The following TAFA1 variants were observed in gnomAD, a reference collection of about 807,000 sequenced individuals.
The protein encoded by TAFA1 is chemokine-like protein TAFA-1.
Under a neutral mutation model 18.5 loss-of-function variants are expected in TAFA1, and 4 were observed. The ratio of observed to expected loss-of-function variants is 0.22; its 90% confidence interval spans 0.11 to 0.49. The LOEUF (loss-of-function observed/expected upper bound fraction) is 0.49, where lower values mean the gene tolerates loss of function less well. Ranked by LOEUF, TAFA1 falls within the 20% of genes least tolerant of loss-of-function variation. TAFA1 has a pLI of 0.98. For synonymous variants in TAFA1, 56 were observed against 55.2 expected (o/e 1.01, Z -0.06); for missense variants, 147 against 169.0 (o/e 0.87, Z 0.72).
intron 3 of TAFA1, among the ~76,000 whole-genome samples, chr3:68,532,407 T>C (rs933195209): frequency 6.6e-6 from 1 of 152,136 alleles, no homozygotes; most frequent in African/African-American, 2.4e-5. Context: ...ACTTTAAAAG[T>C]GTCAGACATT....
chr3:68,226,336 A>G (rs1368078562), intron 2 of TAFA1, among the ~76,000 whole-genome samples: 5 of 152,228 alleles, frequency 3.3e-5, no homozygotes, highest in Non-Finnish European at 5.9e-5. Flanking sequence ...TATCACAATC[A>G]TAGGTTTTCC....
At chr3:68,378,339 A>G (rs1268035344) in intron 2 of TAFA1, among the ~76,000 whole-genome samples, 2 of 152,184 alleles carry the variant, frequency 1.3e-5, no homozygotes, top group East Asian at 3.9e-4. Flanking sequence ...AGATTTAATG[A>G]CTGCCCTGCT....
At chr3:68,423,698 G>T (rs993682991) in intron 3 of TAFA1, among the ~76,000 whole-genome samples, 3 of 151,704 alleles carry the variant, frequency 2.0e-5, no homozygotes, top group African/African-American at 7.3e-5. Flanking sequence ...GGCATAGTGG[G>T]AGTGGTAAAA....
intron 2 of TAFA1, among the ~76,000 whole-genome samples, chr3:68,065,308 G>A (rs79111802): frequency 0.011 from 1,682 of 152,254 alleles, 37 homozygotes; most frequent in African/African-American, 0.038. Context: ...GATGACTGCA[G>A]AATACATTTT....
At chr3:68,045,158 C>G (rs547634727) in intron 2 of TAFA1, among the ~76,000 whole-genome samples, 16 of 152,142 alleles carry the variant, frequency 1.1e-4, no homozygotes, top group African/African-American at 3.9e-4. Context: ...ATTCTCTGGC[C>G]TAGGTAGAAG....
chr3:67,996,320 A>T, the TAFA1 span, among the ~76,000 whole-genome samples: 1 of 152,210 alleles, frequency 6.6e-6, no homozygotes, highest in Non-Finnish European at 1.5e-5. Context: ...TCTAGTTTTT[A>T]AAAAATCAGA....
intron 2 of TAFA1, among the ~76,000 whole-genome samples, chr3:68,144,196 T>C (rs903144076): frequency 2.0e-5 from 3 of 152,206 alleles, no homozygotes; most frequent in Non-Finnish European, 2.9e-5. Context: ...ATTTTCTAAA[T>C]TTTGTTATTG....
intron 2 of TAFA1, among the ~76,000 whole-genome samples, chr3:68,084,852 A>C (rs1459375435): frequency 6.6e-6 from 1 of 151,284 alleles, no homozygotes; most frequent in Non-Finnish European, 1.5e-5. Flanking sequence ...CCCATACTTC[A>C]GTGGGAATCG....
intron 2 of TAFA1, among the ~76,000 whole-genome samples, chr3:68,226,829 T>A (rs1158948787): frequency 6.6e-6 from 1 of 152,164 alleles, no homozygotes; most frequent in African/African-American, 2.4e-5. Flanking sequence ...TGAGCCCCCA[T>A]CCTGATGCCA....
rs935669011 is a variant in TAFA1 at position 68,004,571 on chromosome 3, T to C, written c.-135T>C. On this transcript the variant is annotated 5_prime_UTR_variant, in exon 1 of 5. Transcript: ENST00000478136. ...GAGAGTAACATTTTTTTTTTTTTAA[T>C]CCTGATAAAGAAGATTGTTGGGAAG... The C allele has an allele frequency of 1.3e-5, 2 of 151,612 alleles. No individual in the cohort carries two copies. The highest frequency in any genetic ancestry group is 2.9e-5 in the Non-Finnish European group (2 of 67,886). The allele number at this position is 151,612 out of a possible 1,614,324, so 9.4% of individuals were successfully genotyped here.
intron 3 of TAFA1, among the ~76,000 whole-genome samples, chr3:68,478,974 C>A (rs2072161941): frequency 1.3e-5 from 2 of 149,624 alleles, no homozygotes; most frequent in South Asian, 2.1e-4. Flanking sequence ...GTGGCTCATG[C>A]CTGTAATCAG....
chr3:68,046,275 A>T (rs1008295997), intron 2 of TAFA1, among the ~76,000 whole-genome samples: 7 of 152,202 alleles, frequency 4.6e-5, no homozygotes, highest in African/African-American at 1.7e-4. Context: ...GCCTATATTG[A>T]TAAGGTTATA....
intron 3 of TAFA1, among the ~76,000 whole-genome samples, chr3:68,475,739 G>T (rs369645663): frequency 6.6e-6 from 1 of 151,654 alleles, no homozygotes. Context: ...CGCCACACTG[G>T]CTTCCACAAT....
At chr3:68,126,864 G>A (rs570062709) in intron 2 of TAFA1, among the ~76,000 whole-genome samples, 3 of 152,278 alleles carry the variant, frequency 2.0e-5, no homozygotes, top group Admixed American at 6.5e-5. Flanking sequence ...ACACATACCC[G>A]CTTTCAATAC....
At chr3:68,484,006 C>A (rs544934755) in intron 3 of TAFA1, among the ~76,000 whole-genome samples, 1 of 152,344 alleles carries the variant, frequency 6.6e-6, no homozygotes, top group South Asian at 2.1e-4. Flanking sequence ...AATGACAATA[C>A]AATGTGAATC....
chr3:68,143,651 A>G (rs1027090007), intron 2 of TAFA1, among the ~76,000 whole-genome samples: 3 of 152,146 alleles, frequency 2.0e-5, no homozygotes, highest in African/African-American at 7.2e-5. Flanking sequence ...GACATGGCCA[A>G]GTGTTCCTTG....
intron 2 of TAFA1, among the ~76,000 whole-genome samples, chr3:68,096,991 T>C (rs1277205598): frequency 6.6e-6 from 1 of 152,130 alleles, no homozygotes; most frequent in African/African-American, 2.4e-5. Flanking sequence ...TGGGGCCTGA[T>C]TGAATATTTC....
At chr3:68,538,302 CCT>C (rs1483949828) in intron 3 of TAFA1, among the ~76,000 whole-genome samples, 1 of 152,152 alleles carries the variant, frequency 6.6e-6, no homozygotes, top group Non-Finnish European at 1.5e-5. Context: ...AATTCAGCCC[CCT>C]CTCATAGTCC....
At chr3:68,221,438 C>T (rs961402689) in intron 2 of TAFA1, among the ~76,000 whole-genome samples, 3 of 152,118 alleles carry the variant, frequency 2.0e-5, no homozygotes, top group African/African-American at 7.2e-5. Flanking sequence ...AATACAACAA[C>T]TTAGATAATA....
Sources: allele counts gnomAD v4.1 joint callset (sites outside exome capture counted in the v4.1 genomes callset), GRCh38; gene constraint gnomAD v4.1.1; transcripts MANE v1.5; gene names NCBI Gene and HGNC (gene_info 2026-07-23, HGNC 2026-07-21).